NEK10: variants seen among roughly 807,000 people sequenced by gnomAD.
NEK10 encodes the protein serine/threonine-protein kinase Nek10.
Under a neutral mutation model 159.8 loss-of-function variants are expected in NEK10, and 122 were observed. The observed-to-expected ratio is 0.76, with a 90% confidence interval of 0.66 to 0.89. The LOEUF is 0.89. NEK10 is among the 40% of genes least tolerant of loss of function. NEK10 has a pLI of 0.00. For missense variants in NEK10, 1,342 were observed against 1,323.1 expected (o/e 1.01, Z -0.22); for synonymous variants, 466 against 457.1 (o/e 1.02, Z -0.25).
intron 1 of NEK10, among the ~76,000 whole-genome samples, chr3:27,354,660 G>A (rs1017182351): frequency 2.0e-5 from 3 of 152,150 alleles, no homozygotes; most frequent in African/African-American, 7.2e-5. Flanking sequence ...AATGGGAGAT[G>A]GGGGAAGGAA....
At chr3:27,292,150 T>C (rs2043041370) in intron 16 of NEK10, among the ~76,000 whole-genome samples, 1 of 152,194 alleles carries the variant, frequency 6.6e-6, no homozygotes, top group Non-Finnish European at 1.5e-5. Context: ...TTACAGTTAA[T>C]AACACTGTAC....
chr3:27,270,390 C>T lies in NEK10; in HGVS notation c.2015-14019G>A, dbSNP rs999032142. Among the ~76,000 whole-genome samples, 3 of 152,304 alleles carry T rather than the reference C, an allele frequency of 2.0e-5. No individual in the cohort carries two copies. In the East Asian group the frequency reaches 5.8e-4, roughly 29 times the overall value. The stretch of plus-strand genomic sequence containing the variant: ...GCTGACCCTCCAGCCCCAGTCCAGG[C>T]TTCAGATGATGCATCCCTGGCTGAC... On this transcript the variant is annotated intron_variant, in intron 22 of 35. Coordinates refer to ENST00000691995, the MANE Select transcript of NEK10 (RefSeq NM_001394966.1).
chr3:27,114,145 A>G (rs1940024601), intron 35 of NEK10, among the ~76,000 whole-genome samples: 1 of 152,178 alleles, frequency 6.6e-6, no homozygotes, highest in Non-Finnish European at 1.5e-5. Context: ...GACCTTCTTT[A>G]ACTTTCTTTA....
intron 23 of NEK10, among the ~76,000 whole-genome samples, chr3:27,228,523 C>T (rs1045498476): frequency 6.6e-6 from 1 of 151,952 alleles, no homozygotes; most frequent in African/African-American, 2.4e-5. Context: ...CTACCATGGC[C>T]CATCACATCT....
At position 27,302,354 on chromosome 3, in the gene NEK10, A is replaced by C. The variant is rs1446440345; in HGVS notation, c.1029-519T>G. Among the ~76,000 whole-genome samples, 3 of 151,844 alleles carry C rather than the reference A, an allele frequency of 2.0e-5. No individual in the cohort carries two copies. In the East Asian group the frequency reaches 5.8e-4, roughly 29 times the overall value. On this transcript the variant is annotated intron_variant, in intron 12 of 35. Coordinates refer to ENST00000691995, the MANE Select transcript of NEK10 (RefSeq NM_001394966.1). ...CATTGGTCTTTTTCTTCTGCATTAT[A>C]TGTAATTTTTTTCAAGCTTACCCTA...
At chr3:27,146,063 C>G (rs1944269566) in intron 30 of NEK10, among the ~76,000 whole-genome samples, 1 of 152,108 alleles carries the variant, frequency 6.6e-6, no homozygotes, top group Non-Finnish European at 1.5e-5. Context: ...ACACGATGTT[C>G]TATCTATCTC....
At position 27,131,918 on chromosome 3, in the gene NEK10, G is replaced by A. The variant is rs776733185; in HGVS notation, c.3043C>T (p.Gln1015Ter). The change falls in exon 32 of 36, where the codon CAG becomes TAG. Residue 1015 changes from glutamine to a stop codon, truncating the protein, a stop_gained. Transcript: ENST00000691995. LOFTEE classifies it high-confidence loss of function. ...GATTTCAAATTACAAGGGTTACTCT[G>A]CTGGCTGAAGAGGGATTTCTTGAAT... is the stretch of plus-strand genomic sequence containing the variant. Reference protein sequence around the residue: ...ERFKKSLFSQQSNPCNLKSEI... With the variant: ...ERFKKSLFSQ The A allele has an allele frequency of 1.2e-6, 2 of 1,605,714 alleles. No individual in the cohort carries two copies. Among genetic ancestry groups the A allele is most frequent in the East Asian group, 4.5e-5 (2 of 44,766 alleles).
At chr3:27,170,594 T>C (rs1327800378) in intron 29 of NEK10, among the ~76,000 whole-genome samples, 3 of 152,154 alleles carry the variant, frequency 2.0e-5, no homozygotes, top group Admixed American at 2.0e-4. Flanking sequence ...TAGCCAGGTA[T>C]GGTGGCAGGT....
intron 22 of NEK10, chr3:27,265,765 G>A (rs1471951743): frequency 2.7e-5 from 4 of 150,306 alleles, no homozygotes; most frequent in African/African-American, 9.8e-5. Context: ...TTTAAGTTTT[G>A]GATACAAATT....
intron 26 of NEK10, among the ~76,000 whole-genome samples, chr3:27,184,571 A>C (rs1948440070): frequency 6.6e-6 from 1 of 152,314 alleles, no homozygotes; most frequent in Non-Finnish European, 1.5e-5. Context: ...AATAAAAAAG[A>C]GAGAATTGTA....
intron 20 of NEK10, among the ~76,000 whole-genome samples, chr3:27,286,079 C>CTTTTTTTTTTTTTTTTTTTTTTTTTTTT (rs35663067): frequency 1.7e-5 from 1 of 57,712 alleles, no homozygotes; most frequent in Admixed American, 3.2e-4. Context: ...ATTTCCAATT[C>CTTTTTTTTTTTTTTTTTTTTTTTTTTTT]TTTTTTTTTT....
chr3:27,205,648 T>G (rs1950482684), intron 23 of NEK10, among the ~76,000 whole-genome samples: 1 of 139,866 alleles, frequency 7.1e-6, no homozygotes, highest in Non-Finnish European at 1.5e-5. Flanking sequence ...GAAAACTGGA[T>G]AGCCATATGT....
At chr3:27,115,789 A>T (rs556304217) in intron 35 of NEK10, 151 bp downstream of exon 35, 84 of 612,352 alleles carry the variant, frequency 1.4e-4, no homozygotes, top group Middle Eastern at 1.3e-3. Context: ...CTACTTATAG[A>T]TGTATCTAGT....
chr3:27,217,721 A>G (rs1333891583), intron 23 of NEK10, among the ~76,000 whole-genome samples: 1 of 152,180 alleles, frequency 6.6e-6, no homozygotes, highest in Non-Finnish European at 1.5e-5. Context: ...AATATCCCTT[A>G]TAAATATAGA....
chr3:27,297,716 G>A (rs1484826384), intron 13 of NEK10, among the ~76,000 whole-genome samples: 3 of 152,184 alleles, frequency 2.0e-5, no homozygotes, highest in African/African-American at 7.2e-5. Flanking sequence ...TACTAGACTA[G>A]GCCACACAAC....
chr3:27,310,983 T>C lies in NEK10; in HGVS notation c.602A>G (p.Gln201Arg). Reference sequence around the variant, plus strand: ...TCCACTTGTGGTGACCCATTCTCTTTGATCTTTGACTGCAGCAAGTTTTTG... The same window carrying C: ...TCCACTTGTGGTGACCCATTCTCTTCGATCTTTGACTGCAGCAAGTTTTTG... ...IFQKLAAVKD[Q>R]REWVTTSGAH... is the part of the protein sequence containing the mutation. Residue 201 changes from glutamine to arginine, a missense_variant, in exon 9 of 36, where the codon CAA becomes CGA. By Grantham distance (43) the Gln-to-Arg change is conservative. Coordinates refer to ENST00000691995, the MANE Select transcript of NEK10 (RefSeq NM_001394966.1). 6.2e-7 allele frequency: 1 copy of C among 1,612,670 alleles called. No individual in the cohort carries two copies. The highest frequency in any genetic ancestry group is 1.1e-5 in the South Asian group (1 of 91,002).
chr3:27,161,574 T>C (rs910578718), intron 30 of NEK10, among the ~76,000 whole-genome samples: 2 of 152,234 alleles, frequency 1.3e-5, no homozygotes, highest in South Asian at 2.1e-4. Context: ...ACACATATGA[T>C]AAAAGCATAA....
chr3:27,159,143 T>C (rs1257564037), intron 30 of NEK10, among the ~76,000 whole-genome samples: 1 of 152,204 alleles, frequency 6.6e-6, no homozygotes. Context: ...TACAGTTTTC[T>C]TTCTGTTGTT....
chr3:27,308,863 A>G (rs2044451071), intron 10 of NEK10, 63 bp downstream of exon 10: 1 of 697,370 alleles, frequency 1.4e-6, no homozygotes, highest in Admixed American at 2.6e-5. Context: ...ATTATTTTGC[A>G]TCCTTACCAC....
Sources: allele counts gnomAD v4.1 joint callset (sites outside exome capture counted in the v4.1 genomes callset), GRCh38; gene constraint gnomAD v4.1.1; transcripts MANE v1.5; gene names NCBI Gene and HGNC (gene_info 2026-07-23, HGNC 2026-07-21).